The following MYPN variants were observed in gnomAD, a reference collection of about 807,000 sequenced individuals.
MYPN encodes the protein myopalladin.
In MYPN, 63 loss-of-function variants were observed where a neutral mutation model predicts 129.4. The ratio of observed to expected loss-of-function variants is 0.49; its 90% CI spans 0.40 to 0.60. The LOEUF (loss-of-function observed/expected upper bound fraction) is 0.60, where lower values mean the gene tolerates loss of function less well. Ranked by LOEUF, MYPN falls within the 20% of genes least tolerant of loss-of-function variation. The probability of loss-of-function intolerance (pLI) is 0.00; values close to 1 mark genes in which losing one functional copy is unlikely to be tolerated. For synonymous variants in MYPN, 629 were observed against 600.9 expected (o/e 1.05, Z -0.68); for missense variants, 1,596 against 1,635.4 (o/e 0.98, Z 0.42).
upstream of MYPN, among the ~76,000 whole-genome samples, chr10:68,105,371 GTTAAC>G (rs1314050505): frequency 6.6e-6 from 1 of 152,158 alleles, no homozygotes; most frequent in African/African-American, 2.4e-5. Flanking sequence ...GCTAAGGAAT[GTTAAC>G]TTATTACTAC....
At chr10:68,149,226 C>T (rs1018639554) in intron 5 of MYPN, among the ~76,000 whole-genome samples, 2 of 152,082 alleles carry the variant, frequency 1.3e-5, no homozygotes, top group Non-Finnish European at 2.9e-5. Context: ...TGTCCTCCCA[C>T]TCCCCCCCGA....
Position 68,191,136 on chromosome 10 carries a change from G to C in MYPN, c.2925+2010G>C, listed in dbSNP as rs915846704. 2.0e-5 allele frequency among the ~76,000 whole-genome samples: 3 copies of C among 151,980 alleles called. No individual in the cohort carries two copies. The East Asian group carries it at 5.8e-4, about 29-fold the overall frequency. ...CAGGTAGCATAATGCCTGCAGCTTT[G>C]ATCTTTTTGCTCAGGGTTGTTTTGG... On this transcript the variant is annotated intron_variant, in intron 13 of 19. Coordinates refer to ENST00000358913, the MANE Select transcript of MYPN (RefSeq NM_032578.4).
At chr10:68,199,171 A>C (rs2043664316) in intron 16 of MYPN, among the ~76,000 whole-genome samples, 197 bp from the exon 17 acceptor site, 1 of 152,142 alleles carries the variant, frequency 6.6e-6, no homozygotes, top group African/African-American at 2.4e-5. Context: ...ACTGTGACCA[A>C]AGTACCATAC....
intron 1 of MYPN, among the ~76,000 whole-genome samples, chr10:68,119,263 T>C (rs1023872646): frequency 6.6e-6 from 1 of 152,164 alleles, no homozygotes; most frequent in African/African-American, 2.4e-5. Context: ...TAGTTCTATT[T>C]AATGAGTAAT....
chr10:68,179,725 A>G (rs2043285039), intron 12 of MYPN, among the ~76,000 whole-genome samples: 1 of 150,550 alleles, frequency 6.6e-6, no homozygotes, highest in South Asian at 2.1e-4. Context: ...CAGTGGTGCG[A>G]TCTCCACTCA....
At chr10:68,136,536 T>A in intron 2 of MYPN, 1 of 1,424,180 alleles carries the variant, frequency 7.0e-7, no homozygotes, top group Non-Finnish European at 9.1e-7. Context: ...GCCTGATCCC[T>A]GCCTAATTTC....
At chr10:68,184,371 A>G (rs1298989764) in intron 12 of MYPN, among the ~76,000 whole-genome samples, 1 of 152,206 alleles carries the variant, frequency 6.6e-6, no homozygotes, top group Non-Finnish European at 1.5e-5. Flanking sequence ...TGACCCAAAT[A>G]AGATTTACCA....
At chr10:68,097,983 T>C (rs1271454363) in intron 1 of MYPN, among the ~76,000 whole-genome samples, 1 of 152,156 alleles carries the variant, frequency 6.6e-6, no homozygotes, top group Non-Finnish European at 1.5e-5. Flanking sequence ...TGGTGGCTCA[T>C]GCCTGTAATC....
At chr10:68,182,228 TATATATATAACATATATATAACACAC>T (rs2043325047) in intron 12 of MYPN, among the ~76,000 whole-genome samples, 1 of 127,620 alleles carries the variant, frequency 7.8e-6, no homozygotes, top group South Asian at 2.3e-4. Flanking sequence ...ATATAACACA[TATATATATAACATATATATAACACAC>T]ATATATATAT....
chr10:68,118,877 T>TGAAGGAAGGAAGGAAGGAAGGAAG (rs10661735), intron 1 of MYPN, among the ~76,000 whole-genome samples: 20 of 122,520 alleles, frequency 1.6e-4, no homozygotes, highest in African/African-American at 4.9e-4. Context: ...AAAAGAGTGA[T>TGAAGGAAGGAAGGAAGGAAGGAAG]GAAGGAAGGA....
Position 68,165,775 on chromosome 10 carries a change from C to G in MYPN, c.1557C>G (p.Asn519Lys). The change falls in exon 9 of 20, where the codon AAC becomes AAG. Residue 519 changes from asparagine to lysine, a missense_variant. By Grantham distance (94) the Asn-to-Lys change is moderately conservative (BLOSUM62 0). Coordinates refer to ENST00000358913, the MANE Select transcript of MYPN (RefSeq NM_032578.4). ...GGTGCTTCACATGTACTGCAAGCAA[C>G]AAATACGGCACAGTGTCAAGCATTG... is the stretch of plus-strand genomic sequence containing the variant. ...DSGCFTCTAS[N>K]KYGTVSSIAQ... The G allele has an allele frequency of 6.2e-7, 1 of 1,614,144 alleles. No homozygotes were observed.
At chr10:68,210,196 G>C in intron 19 of MYPN, 90 bp from the exon 20 acceptor site, 2 of 1,437,272 alleles carry the variant, frequency 1.4e-6, no homozygotes, top group Non-Finnish European at 9.7e-7. Flanking sequence ...TGCTCAGGGA[G>C]AATCGGGGTG....
chr10:68,107,471 G>C (rs1049236861), upstream of MYPN, among the ~76,000 whole-genome samples: 35 of 151,308 alleles, frequency 2.3e-4, no homozygotes, highest in Admixed American at 9.2e-4. Flanking sequence ...CTCCCAAGGA[G>C]CTGGGACTAC....
At chr10:68,195,353 C>A (rs1274329734) in intron 14 of MYPN, 97 bp from the exon 15 acceptor site, 3 of 1,089,344 alleles carry the variant, frequency 2.8e-6, no homozygotes, top group Non-Finnish European at 4.2e-6. Flanking sequence ...CTCATAATAG[C>A]CAAAATTTCA....
chr10:68,151,450 G>T (rs972587948), intron 6 of MYPN, among the ~76,000 whole-genome samples: 1 of 152,222 alleles, frequency 6.6e-6, no homozygotes, highest in Non-Finnish European at 1.5e-5. Context: ...GCAACATGTT[G>T]TGATTTGGTG....
At chr10:68,144,936 A>C (rs2042637141) in intron 3 of MYPN, among the ~76,000 whole-genome samples, 1 of 152,194 alleles carries the variant, frequency 6.6e-6, no homozygotes, top group South Asian at 2.1e-4. Flanking sequence ...CTAACTAGAC[A>C]TGTGACCTTG....
At position 68,147,257 on chromosome 10, in the gene MYPN, C is replaced by T. The variant is rs1016043462; in HGVS notation, c.1131-1096C>T. Among the ~76,000 whole-genome samples, 6 of 152,272 alleles carry T rather than the reference C, an allele frequency of 3.9e-5. No homozygotes were observed. The East Asian group carries it at 7.7e-4, about 20-fold the overall frequency. On this transcript the variant is annotated intron_variant, in intron 4 of 19. Coordinates refer to ENST00000358913, the MANE Select transcript of MYPN (RefSeq NM_032578.4). ...GCAACCTCTGCCACCCAGGTTCAAA[C>T]GATTCTCCCACCTCAGCCTCCCAAG...
At chr10:68,127,041 A>G (rs1328707981) in intron 2 of MYPN, among the ~76,000 whole-genome samples, 1 of 152,126 alleles carries the variant, frequency 6.6e-6, no homozygotes, top group African/African-American at 2.4e-5. Context: ...CTGGAGGGCA[A>G]TGGCCAGATC....
At chr10:68,123,006 G>A (rs558336663) in intron 2 of MYPN, among the ~76,000 whole-genome samples, 25 of 151,782 alleles carry the variant, frequency 1.6e-4, no homozygotes, top group Non-Finnish European at 3.4e-4. Context: ...TATTATACCA[G>A]GGATTTGAAA....
Sources: gnomAD v4.1 joint callset for allele counts (sites outside exome capture counted in the v4.1 genomes callset) on GRCh38, gnomAD v4.1.1 for gene constraint, MANE v1.5 for transcripts, NCBI Gene and HGNC (gene_info 2026-07-23, HGNC 2026-07-21) for gene names.